ZFAND3: variants seen among roughly 807,000 people sequenced by gnomAD.
ZFAND3 encodes AN1-type zinc finger protein 3.
A neutral mutation model predicts 29.6 loss-of-function variants in ZFAND3; 10 were observed. The ratio of observed to expected loss-of-function variants is 0.34; its 90% confidence interval spans 0.21 to 0.57. The LOEUF (loss-of-function observed/expected upper bound fraction) is 0.57. Ranked by LOEUF, ZFAND3 falls within the 20% of genes least tolerant of loss-of-function variation. ZFAND3 has a pLI of 0.86. For missense variants in ZFAND3, 230 were observed against 304.5 expected (o/e 0.76, Z 1.82); for synonymous variants, 128 against 112.6 (o/e 1.14, Z -0.87).
intron 3 of ZFAND3, among the ~76,000 whole-genome samples, chr6:38,076,584 G>A (rs1764557866): frequency 1.3e-5 from 2 of 152,286 alleles, no homozygotes; most frequent in African/African-American, 4.8e-5. Context: ...CATGCACTGA[G>A]TTAGGATTAG....
chr6:38,006,654 GGT>G (rs1763054481), intron 2 of ZFAND3, among the ~76,000 whole-genome samples: 1 of 86,528 alleles, frequency 1.2e-5, no homozygotes, highest in Admixed American at 1.7e-4. Context: ...TGAGGAAGAG[GGT>G]TTTTTTTTTT....
intron 3 of ZFAND3, among the ~76,000 whole-genome samples, chr6:38,062,235 T>A (rs1449808364): frequency 6.6e-6 from 1 of 152,160 alleles, no homozygotes; most frequent in African/African-American, 2.4e-5. Context: ...TGTCACTAAC[T>A]GGGCCTTGAC....
chr6:38,037,124 C>T (rs1203759265), intron 2 of ZFAND3, among the ~76,000 whole-genome samples: 1 of 152,198 alleles, frequency 6.6e-6, no homozygotes, highest in Non-Finnish European at 1.5e-5. Context: ...CTTTGAGCTA[C>T]TCAATCTTTT....
At chr6:37,969,271 A>G (rs1379219517) in intron 2 of ZFAND3, among the ~76,000 whole-genome samples, 4 of 152,242 alleles carry the variant, frequency 2.6e-5, no homozygotes, top group African/African-American at 9.6e-5. Context: ...TTTAAGCAAG[A>G]GAAAGGTATA....
At chr6:37,851,306 C>T (rs1297621997) in intron 1 of ZFAND3, among the ~76,000 whole-genome samples, 1 of 152,004 alleles carries the variant, frequency 6.6e-6, no homozygotes, top group Admixed American at 6.6e-5. Context: ...TTGCCTCTTA[C>T]TAGAGCTTCT....
At chr6:38,150,004 C>A (rs1243116116) in intron 5 of ZFAND3, among the ~76,000 whole-genome samples, 2 of 152,166 alleles carry the variant, frequency 1.3e-5, no homozygotes, top group African/African-American at 4.8e-5. Flanking sequence ...TGCCATCCTG[C>A]TGGTGCCCCT....
chr6:37,962,572 C>T (rs771837458), intron 2 of ZFAND3, among the ~76,000 whole-genome samples: 7 of 152,130 alleles, frequency 4.6e-5, no homozygotes, highest in South Asian at 4.1e-4. Flanking sequence ...CACCAATCAG[C>T]GCTCTGTGTC....
chr6:37,854,403 T>C (rs1257689930), intron 1 of ZFAND3, among the ~76,000 whole-genome samples: 1 of 152,208 alleles, frequency 6.6e-6, no homozygotes, highest in Non-Finnish European at 1.5e-5. Context: ...TTTTGGACAT[T>C]TAAAGACAAA....
At chr6:37,875,765 C>T (rs1764782063) in intron 1 of ZFAND3, among the ~76,000 whole-genome samples, 2 of 151,602 alleles carry the variant, frequency 1.3e-5, no homozygotes, top group African/African-American at 4.8e-5. Context: ...CTCAAGTGAT[C>T]CTCCCGCCTC....
chr6:38,109,092 C>CA (rs112606001), intron 4 of ZFAND3, among the ~76,000 whole-genome samples: 54 of 135,974 alleles, frequency 4.0e-4, no homozygotes, highest in South Asian at 1.4e-3. Flanking sequence ...CACAGGCAAA[C>CA]AAAAAAAAAT....
intron 1 of ZFAND3, among the ~76,000 whole-genome samples, chr6:37,854,551 A>G (rs549749959): frequency 6.6e-6 from 1 of 152,264 alleles, no homozygotes; most frequent in East Asian, 1.9e-4. Context: ...TTTATTGAGC[A>G]TTTTCTGTTT....
intron 2 of ZFAND3, among the ~76,000 whole-genome samples, chr6:38,009,207 A>T (rs1431251580): frequency 1.3e-5 from 2 of 152,236 alleles, no homozygotes; most frequent in Non-Finnish European, 2.9e-5. Context: ...ATTTAAAGAG[A>T]AAACTTTCTA....
At chr6:38,106,064 C>T (rs1765200991) in intron 4 of ZFAND3, among the ~76,000 whole-genome samples, 1 of 152,064 alleles carries the variant, frequency 6.6e-6, no homozygotes, top group Non-Finnish European at 1.5e-5. Flanking sequence ...AGGGCCTTTG[C>T]TTCCCAGACT....
At chr6:38,080,074 C>T (rs755871733) in intron 3 of ZFAND3, among the ~76,000 whole-genome samples, 39 of 150,312 alleles carry the variant, frequency 2.6e-4, no homozygotes, top group African/African-American at 8.3e-4. Flanking sequence ...AAAAACACCA[C>T]ATGTTCTCAC....
chr6:37,856,970 A>C (rs1764395599), intron 1 of ZFAND3, among the ~76,000 whole-genome samples: 1 of 151,278 alleles, frequency 6.6e-6, no homozygotes, highest in Admixed American at 6.6e-5. Flanking sequence ...TTGAGACAAG[A>C]TCTCACTCTG....
intron 1 of ZFAND3, among the ~76,000 whole-genome samples, chr6:37,851,592 C>T (rs1764283148): frequency 6.6e-6 from 1 of 152,156 alleles, no homozygotes; most frequent in African/African-American, 2.4e-5. Flanking sequence ...CTCTGAAGAT[C>T]TCAAAGTGTT....
chr6:38,023,792 TACTC>T (rs775600537), intron 2 of ZFAND3, among the ~76,000 whole-genome samples: 2 of 152,360 alleles, frequency 1.3e-5, no homozygotes, highest in South Asian at 4.1e-4. Context: ...TCCGCTTCCT[TACTC>T]AGTTTAGTCT....
chr6:37,830,436 T>C (rs906901377), intron 1 of ZFAND3, among the ~76,000 whole-genome samples: 54 of 152,224 alleles, frequency 3.5e-4, no homozygotes, highest in African/African-American at 1.3e-3. Context: ...TGTCTTTTCT[T>C]GAAGTGTGGT....
intron 4 of ZFAND3, among the ~76,000 whole-genome samples, chr6:38,100,102 T>C (rs749016653): frequency 6.6e-6 from 1 of 151,994 alleles, no homozygotes; most frequent in Non-Finnish European, 1.5e-5. Context: ...CTGTCGCCAG[T>C]CACCAGGCTG....
Sources: gnomAD v4.1 joint callset for allele counts (sites outside exome capture counted in the v4.1 genomes callset) on GRCh38, gnomAD v4.1.1 for gene constraint, MANE v1.5 for transcripts, NCBI Gene and HGNC (gene_info 2026-07-23, HGNC 2026-07-21) for gene names.